Variants in ADK observed in about 807,000 individuals in gnomAD.
ADK encodes N6,N6-dimethyladenosine kinase.
ADK carries 24 observed loss-of-function variants against 44.7 expected under a neutral mutation model. That is an observed-to-expected ratio of 0.54 (90% confidence interval 0.39 to 0.76). The LOEUF (loss-of-function observed/expected upper bound fraction) is 0.76. ADK is among the 30% of genes least tolerant of loss of function. ADK has a pLI of 0.00. For missense variants in ADK, 321 were observed against 425.1 expected (o/e 0.76, Z 2.15); for synonymous variants, 128 against 142.6 (o/e 0.90, Z 0.73).
chr10:74,528,059 A>G (rs1849127136), intron 7 of ADK: 3 of 1,000,300 alleles, frequency 3.0e-6, no homozygotes, highest in Middle Eastern at 2.1e-4. Context: ...CTCTTAAGAT[A>G]AAATGACGAC....
At chr10:74,309,037 T>G (rs1384247302) in intron 3 of ADK, among the ~76,000 whole-genome samples, 4 of 152,148 alleles carry the variant, frequency 2.6e-5, no homozygotes, top group African/African-American at 9.7e-5. Flanking sequence ...GTACTTTTAT[T>G]CATATAGGAA....
intron 9 of ADK, among the ~76,000 whole-genome samples, chr10:74,604,260 T>A (rs913822593): frequency 1.3e-5 from 2 of 152,234 alleles, no homozygotes; most frequent in Admixed American, 6.5e-5. Flanking sequence ...TTTAATTGGA[T>A]CCCATTTGTC....
intron 3 of ADK, among the ~76,000 whole-genome samples, chr10:74,302,137 T>TTTG (rs1840077977): frequency 5.8e-5 from 6 of 103,822 alleles, no homozygotes; most frequent in African/African-American, 2.2e-4. Flanking sequence ...TTTTTTTTTT[T>TTTG]TTTTTTTTTG....
chr10:74,630,918 C>T (rs201124360), intron 9 of ADK, among the ~76,000 whole-genome samples: 1 of 151,580 alleles, frequency 6.6e-6, no homozygotes, highest in East Asian at 1.9e-4. Flanking sequence ...TATTAATTTA[C>T]TTATGTCATA....
chr10:74,700,834 A>G (rs1289726838), intron 10 of ADK, among the ~76,000 whole-genome samples: 1 of 152,180 alleles, frequency 6.6e-6, no homozygotes, highest in Admixed American at 6.5e-5. Context: ...TGTTCTACAT[A>G]TTTTTTAAAT....
intron 3 of ADK, among the ~76,000 whole-genome samples, chr10:74,268,063 C>G (rs1410016662): frequency 2.0e-5 from 3 of 152,078 alleles, no homozygotes; most frequent in Non-Finnish European, 4.4e-5. Flanking sequence ...TGGCTCACAC[C>G]TGTAATCCCA....
intron 3 of ADK, among the ~76,000 whole-genome samples, chr10:74,299,603 A>G (rs1011421148): frequency 2.2e-4 from 30 of 134,424 alleles, no homozygotes; most frequent in Middle Eastern, 4.1e-3. Flanking sequence ...TGCTCCATAT[A>G]TATTTTAAAT....
At chr10:74,503,771 G>A (rs1847955729) in intron 6 of ADK, among the ~76,000 whole-genome samples, 2 of 152,084 alleles carry the variant, frequency 1.3e-5, no homozygotes. Context: ...ACACTACATA[G>A]GATAAGAAAC....
intron 6 of ADK, among the ~76,000 whole-genome samples, chr10:74,460,586 A>G (rs1383144772): frequency 6.6e-6 from 1 of 152,190 alleles, no homozygotes; most frequent in Non-Finnish European, 1.5e-5. Context: ...TAATTCAGTT[A>G]TGATTTTATA....
intron 6 of ADK, among the ~76,000 whole-genome samples, chr10:74,460,221 T>C (rs1846121735): frequency 1.3e-5 from 2 of 152,154 alleles, no homozygotes; most frequent in Admixed American, 1.3e-4. Flanking sequence ...ATTTTTGAAA[T>C]CAAAAATAAA....
rs370818395 is a variant in ADK at position 74,313,856 on chromosome 10, A to T, written c.195-811A>T. 3.3e-5 allele frequency among the ~76,000 whole-genome samples: 5 copies of T among 151,474 alleles called. 1 individual carries two copies. The highest frequency in any genetic ancestry group is 1.2e-4 in the African/African-American group (5 of 41,380). The stretch of plus-strand genomic sequence containing the variant: ...TTTTAATTTCTTATATTTTCTATCT[A>T]CTTTTTTGGTCTTTTTAAAAATTTC... On this transcript the variant is annotated intron_variant, in intron 3 of 10. Coordinates refer to ENST00000539909, the MANE Select transcript of ADK (RefSeq NM_006721.4).
intron 4 of ADK, among the ~76,000 whole-genome samples, chr10:74,334,047 A>C (rs1347980954): frequency 6.6e-6 from 1 of 152,166 alleles, no homozygotes; most frequent in African/African-American, 2.4e-5. Context: ...TGATCTTTGT[A>C]GTGTATGTTT....
Position 74,561,050 on chromosome 10 carries a change from C to T in ADK, c.727-28232C>T, listed in dbSNP as rs183800445. 3.8e-3 allele frequency among the ~76,000 whole-genome samples: 576 copies of T among 152,306 alleles called. 3 individuals carry two copies. Among genetic ancestry groups the T allele is most frequent in the South Asian group, 0.011 (52 of 4,822 alleles). On this transcript the variant is annotated intron_variant, in intron 7 of 10. Transcript: ENST00000539909. ...AAAACAGAACAACAAAATTGTCAGT[C>T]TCTTCTGTGAGCAGTATTATCTGCT... is the stretch of plus-strand genomic sequence containing the variant.
chr10:74,372,462 G>T, intron 4 of ADK: 2 of 423,996 alleles, frequency 4.7e-6, no homozygotes, highest in Non-Finnish European at 8.5e-6. Context: ...TAAGGTTGAC[G>T]GAAAATAAAT....
At position 74,275,758 on chromosome 10, in the gene ADK, A is replaced by G. The variant is rs1033968088; in HGVS notation, c.195-38909A>G. Among the ~76,000 whole-genome samples the G allele has an allele frequency of 9.9e-5, 15 of 151,992 alleles. No homozygotes were observed. In the East Asian group the frequency reaches 1.9e-3, roughly 20 times the overall value. ...ACTACAACCTCCACCTCCCATGTTC[A>G]AGAAATTCTCCAGCCTCAGCCTCCA... On this transcript the variant is annotated intron_variant, in intron 3 of 10. Transcript: ENST00000539909.
intron 10 of ADK, among the ~76,000 whole-genome samples, chr10:74,698,604 A>G (rs1175993189): frequency 6.6e-6 from 1 of 152,130 alleles, no homozygotes. Context: ...CCCATTCTGG[A>G]GTGCAGTGGA....
At chr10:74,589,761 T>C (rs1035143381) in intron 8 of ADK, among the ~76,000 whole-genome samples, 2 of 152,240 alleles carry the variant, frequency 1.3e-5, no homozygotes, top group African/African-American at 4.8e-5. Context: ...ATTATCATTA[T>C]GCAAATTAAT....
rs1854842098 is a variant in ADK, at chr10:74,663,814, A to G, written c.878-6369A>G. Among the ~76,000 whole-genome samples the G allele has an allele frequency of 5.3e-5, 8 of 152,286 alleles. No homozygotes were observed. The South Asian group carries it at 1.7e-3, about 32-fold the overall frequency. ...AATTAGGATTGTTCTATAAATCTCT[A>G]TTATTAGCAGAGTTCATCATCTTTT... On this transcript the variant is annotated intron_variant, in intron 9 of 10. Transcript: ENST00000539909.
At chr10:74,242,115 G>A (rs886315493) in intron 3 of ADK, among the ~76,000 whole-genome samples, 1 of 152,272 alleles carries the variant, frequency 6.6e-6, no homozygotes, top group East Asian at 1.9e-4. Flanking sequence ...TGAGTACATC[G>A]TAATTTTAGG....
Sources: allele counts gnomAD v4.1 joint callset (sites outside exome capture counted in the v4.1 genomes callset), GRCh38; gene constraint gnomAD v4.1.1; transcripts MANE v1.5; gene names NCBI Gene and HGNC (gene_info 2026-07-23, HGNC 2026-07-21).